ARFGEF2: variants seen among roughly 807,000 people sequenced by gnomAD.
The protein encoded by ARFGEF2 is ARF guanine nucleotide exchange factor 2.
Under a neutral mutation model 219.9 loss-of-function variants are expected in ARFGEF2, and 74 were observed. That is an observed-to-expected ratio of 0.34 (90% CI 0.28 to 0.41). The LOEUF is 0.41. ARFGEF2 is among the 10% of genes least tolerant of loss of function. The pLI, the probability that ARFGEF2 is intolerant of heterozygous loss-of-function variation, is 1.00. For synonymous variants in ARFGEF2, 733 were observed against 799.2 expected (o/e 0.92, Z 1.40); for missense variants, 1,743 against 2,218.3 (o/e 0.79, Z 4.30).
At chr20:48,997,953 G>A in intron 23 of ARFGEF2, 1 of 504,428 alleles carries the variant, frequency 2.0e-6, no homozygotes, top group Non-Finnish European at 3.6e-6. Context: ...TGCCTCCCGA[G>A]TTCAAGCGAA....
intron 13 of ARFGEF2, 58 bp from the exon 14 acceptor site, chr20:48,975,958 C>A: frequency 6.4e-7 from 1 of 1,574,084 alleles, no homozygotes; most frequent in Non-Finnish European, 8.7e-7. Flanking sequence ...AGACCTAGCT[C>A]GGCTGTGTCT....
At chr20:48,963,700 G>T in intron 6 of ARFGEF2, 130 bp from the exon 7 acceptor site, 1 of 811,650 alleles carries the variant, frequency 1.2e-6, no homozygotes, top group Non-Finnish European at 2.1e-6. Context: ...AATCAGATTT[G>T]GCCTTGGGGA....
chr20:48,950,342 C>G (rs2091057945), intron 3 of ARFGEF2, among the ~76,000 whole-genome samples: 1 of 151,974 alleles, frequency 6.6e-6, no homozygotes, highest in African/African-American at 2.4e-5. Flanking sequence ...GTGTCTTAGT[C>G]CCACCCCAGC....
chr20:48,922,142 TC>T, intron 1 of ARFGEF2, 132 bp downstream of exon 1: 2 of 1,376,076 alleles, frequency 1.5e-6, no homozygotes, highest in South Asian at 2.8e-5. Flanking sequence ...TCCGGCCTCC[TC>T]CTCATTATAC....
intron 8 of ARFGEF2, among the ~76,000 whole-genome samples, chr20:48,966,843 G>T (rs889340647): frequency 3.9e-5 from 6 of 152,068 alleles, no homozygotes; most frequent in African/African-American, 1.4e-4. Context: ...AATAATAAGG[G>T]TTTGTTGTTC....
intron 1 of ARFGEF2, among the ~76,000 whole-genome samples, chr20:48,926,813 A>G (rs1170358622): frequency 6.6e-6 from 1 of 152,186 alleles, no homozygotes; most frequent in Non-Finnish European, 1.5e-5. Context: ...ACCAAGGCTA[A>G]GGAAGAGAGC....
chr20:48,979,501 G>T (rs922388414), intron 14 of ARFGEF2, among the ~76,000 whole-genome samples: 1 of 152,286 alleles, frequency 6.6e-6, no homozygotes, highest in East Asian at 1.9e-4. Context: ...AAATGAGTTA[G>T]GGAGGATTCC....
intron 34 of ARFGEF2, among the ~76,000 whole-genome samples, chr20:49,022,414 C>A (rs553588374): frequency 1.8e-3 from 253 of 141,392 alleles, no homozygotes; most frequent in African/African-American, 6.2e-3. Context: ...ATTTAAAAAA[C>A]AACAACAACA....
intron 1 of ARFGEF2, among the ~76,000 whole-genome samples, chr20:48,923,690 G>A (rs2090858045): frequency 6.6e-6 from 1 of 152,190 alleles, no homozygotes; most frequent in Non-Finnish European, 1.5e-5. Flanking sequence ...CTATCTTCTC[G>A]ATATTGTTGT....
chr20:49,024,470 A>G (rs1030984009), intron 35 of ARFGEF2, among the ~76,000 whole-genome samples: 2 of 152,218 alleles, frequency 1.3e-5, no homozygotes, highest in Non-Finnish European at 2.9e-5. Flanking sequence ...TCTCAGCTTT[A>G]GCGCCCGATT....
chr20:48,936,533 T>A (rs1481942952), intron 1 of ARFGEF2, among the ~76,000 whole-genome samples: 2 of 150,424 alleles, frequency 1.3e-5, no homozygotes, highest in African/African-American at 4.9e-5. Context: ...ACTTCTCTCT[T>A]TTTTTTTTGA....
intron 20 of ARFGEF2, 55 bp from the exon 21 acceptor site, chr20:48,990,985 G>T: frequency 2.5e-6 from 4 of 1,585,464 alleles, no homozygotes; most frequent in Non-Finnish European, 3.4e-6. Context: ...GCAGATGTGA[G>T]AATGGCCACA....
At chr20:48,953,014 A>G in intron 5 of ARFGEF2, 130 bp downstream of exon 5, 1 of 977,696 alleles carries the variant, frequency 1.0e-6, no homozygotes, top group Non-Finnish European at 1.6e-6. Flanking sequence ...GATTCTCTGT[A>G]CTGTGCTTTT....
At position 49,013,616 on chromosome 20, in the gene ARFGEF2, T is replaced by A; in HGVS notation, c.3971T>A (p.Val1324Asp). The A allele has an allele frequency of 1.2e-6, 2 of 1,614,068 alleles. No individual in the cohort carries two copies. Among genetic ancestry groups the A allele is most frequent in the African/African-American group, 1.3e-5 (1 of 74,998 alleles). Reference sequence around the variant, plus strand: ...ATGAATGTAGCTCCTGGTGACAGAGTCTGGGTCCGAGGCTGGTTCCCCATC... The same window carrying A: ...ATGAATGTAGCTCCTGGTGACAGAGACTGGGTCCGAGGCTGGTTCCCCATC... The part of the protein sequence containing the change: ...DDMNVAPGDR[V>D]WVRGWFPILF... Residue 1324 changes from valine (V) to aspartate (D), a missense_variant, in exon 29 of 39, where the codon GTC becomes GAC. This residue lies in a region of ARFGEF2 where 578 missense variants were observed against 664.0 expected (regional missense o/e 0.87). Coordinates refer to ENST00000371917, the MANE Select transcript of ARFGEF2 (RefSeq NM_006420.3).
At chr20:48,944,525 G>T (rs907705576) in intron 3 of ARFGEF2, among the ~76,000 whole-genome samples, 2 of 152,120 alleles carry the variant, frequency 1.3e-5, no homozygotes, top group African/African-American at 4.8e-5. Flanking sequence ...CGCGATCGTG[G>T]CTCACTGCAA....
chr20:49,034,098 T>C lies in ARFGEF2; in HGVS notation c.*899T>C, dbSNP rs1467023001. 6.6e-6 allele frequency: 1 copy of C among 152,250 alleles called. No homozygotes were observed. Among genetic ancestry groups the C allele is most frequent in the Non-Finnish European group, 1.5e-5 (1 of 68,046 alleles). 9.4% of individuals were successfully genotyped at this position (152,250 alleles called of 1,614,324 possible). On this transcript the variant is annotated 3_prime_UTR_variant, in exon 39 of 39. Coordinates refer to ENST00000371917, the MANE Select transcript of ARFGEF2 (RefSeq NM_006420.3). The stretch of plus-strand genomic sequence containing the variant: ...TAACCAGAGTTCATTTATCCTTGAA[T>C]AAACCTTTTTATTTTCACCTCAGAA...
intron 23 of ARFGEF2, 161 bp from the exon 24 acceptor site, chr20:48,998,032 T>A: frequency 3.0e-6 from 2 of 671,544 alleles, no homozygotes; most frequent in Non-Finnish European, 5.4e-6. Flanking sequence ...TAATTTTTTG[T>A]ATTTTTTATT....
intron 25 of ARFGEF2, among the ~76,000 whole-genome samples, chr20:49,000,546 ACTATT>A (rs1368156832): frequency 6.6e-6 from 1 of 152,230 alleles, no homozygotes; most frequent in Non-Finnish European, 1.5e-5. Context: ...CATCTTACCC[ACTATT>A]CTGAGTAAAC....
chr20:48,963,650 T>C (rs2091168649), intron 6 of ARFGEF2, among the ~76,000 whole-genome samples, 180 bp from the exon 7 acceptor site: 1 of 152,204 alleles, frequency 6.6e-6, no homozygotes, highest in African/African-American at 2.4e-5. Flanking sequence ...AGATGCTGCC[T>C]AAGTTTCCAG....
Sources: gnomAD v4.1 joint callset for allele counts (sites outside exome capture counted in the v4.1 genomes callset) on GRCh38, gnomAD v4.1.1 for gene constraint, gnomAD v4.1.1 regional missense constraint, MANE v1.5 for transcripts, NCBI Gene and HGNC (gene_info 2026-07-23, HGNC 2026-07-21) for gene names.